Variants in CNTN4 observed in about 807,000 individuals in gnomAD.
The protein encoded by CNTN4 is contactin 4.
Under a neutral mutation model 122.5 loss-of-function variants are expected in CNTN4, and 77 were observed. The observed-to-expected ratio is 0.63, with a 90% CI of 0.52 to 0.76. CNTN4 has a LOEUF of 0.76. Ranked by LOEUF, CNTN4 falls within the 30% of genes least tolerant of loss-of-function variation. The pLI is 0.00. For missense variants in CNTN4, 1,256 were observed against 1,259.1 expected (o/e 1.00, Z 0.04); for synonymous variants, 512 against 447.0 (o/e 1.15, Z -1.83).
chr3:2,518,579 C>G (rs1418602638), intron 3 of CNTN4, among the ~76,000 whole-genome samples: 7 of 152,022 alleles, frequency 4.6e-5, no homozygotes, highest in Non-Finnish European at 1.0e-4. Context: ...ATAAATACCT[C>G]TGGTAGAATG....
chr3:2,688,949 C>T (rs1172647462), intron 4 of CNTN4, among the ~76,000 whole-genome samples: 3 of 152,130 alleles, frequency 2.0e-5, no homozygotes, highest in South Asian at 4.1e-4. Flanking sequence ...TACGTCCTTA[C>T]AGAGGTCTAA....
Position 2,794,225 on chromosome 3 carries a change from T to A in CNTN4, c.359-25261T>A, listed in dbSNP as rs533297877. Among the ~76,000 whole-genome samples the A allele has an allele frequency of 2.6e-5, 4 of 152,300 alleles. No homozygotes were observed. The East Asian group carries it at 7.7e-4, about 29-fold the overall frequency. ...AATGTTTCTACATCTGCAAAAAATG[T>A]CTGGTGCCCGATCCATCAGTAGAAA... is the stretch of plus-strand genomic sequence containing the variant. On this transcript the variant is annotated intron_variant, in intron 6 of 24. Coordinates refer to ENST00000418658, the MANE Select transcript of CNTN4 (RefSeq NM_175607.3).
At chr3:2,466,048 A>G (rs978208270) in intron 3 of CNTN4, among the ~76,000 whole-genome samples, 5 of 152,190 alleles carry the variant, frequency 3.3e-5, no homozygotes, top group East Asian at 1.9e-4. Flanking sequence ...AGGGAATTCA[A>G]TCTATTACAT....
chr3:2,104,382 C>T (rs2125097574), intron 2 of CNTN4, among the ~76,000 whole-genome samples: 1 of 152,180 alleles, frequency 6.6e-6, no homozygotes, highest in South Asian at 2.1e-4. Context: ...CAGATAAGCT[C>T]TTAATTTTCA....
chr3:2,777,372 C>A (rs1026672496), intron 6 of CNTN4, among the ~76,000 whole-genome samples: 1 of 152,206 alleles, frequency 6.6e-6, no homozygotes, highest in African/African-American at 2.4e-5. Flanking sequence ...ATCTACGGCT[C>A]TCCAACTAAT....
At chr3:2,529,201 A>AAT (rs1383478551) in intron 3 of CNTN4, among the ~76,000 whole-genome samples, 2 of 152,130 alleles carry the variant, frequency 1.3e-5, no homozygotes, top group African/African-American at 2.4e-5. Flanking sequence ...GAGAAGATGA[A>AAT]ATATTTATCA....
intron 4 of CNTN4, among the ~76,000 whole-genome samples, chr3:2,586,271 TTTG>T (rs756797184): frequency 1.3e-5 from 2 of 152,096 alleles, no homozygotes; most frequent in Non-Finnish European, 2.9e-5. Context: ...GTTGTTGTTG[TTTG>T]TTGTTGTTGT....
At chr3:2,660,289 G>T (rs902405399) in intron 4 of CNTN4, among the ~76,000 whole-genome samples, 1 of 152,268 alleles carries the variant, frequency 6.6e-6, no homozygotes, top group Admixed American at 6.5e-5. Context: ...GAGTCTGCAA[G>T]GACTTATTTA....
At chr3:2,486,433 G>T (rs943731160) in intron 3 of CNTN4, among the ~76,000 whole-genome samples, 3 of 152,150 alleles carry the variant, frequency 2.0e-5, no homozygotes, top group Non-Finnish European at 4.4e-5. Flanking sequence ...AGAACATTAT[G>T]ATCAAAATAG....
chr3:2,299,824 A>T (rs931492895), intron 2 of CNTN4, among the ~76,000 whole-genome samples: 1 of 152,190 alleles, frequency 6.6e-6, no homozygotes, highest in Non-Finnish European at 1.5e-5. Flanking sequence ...AATCTCCCAC[A>T]TACAGTATAA....
intron 13 of CNTN4, among the ~76,000 whole-genome samples, chr3:2,930,245 C>T (rs1035829886): frequency 6.6e-5 from 10 of 152,118 alleles, no homozygotes; most frequent in Admixed American, 3.3e-4. Flanking sequence ...CATTTCCAAG[C>T]GGTTTTAATA....
chr3:2,917,252 C>T (rs62232792), intron 12 of CNTN4, among the ~76,000 whole-genome samples: 15,426 of 151,524 alleles, frequency 0.1, 848 homozygotes, highest in Middle Eastern at 0.14. Context: ...ATGGCAGCAG[C>T]ACAGTCCAGC....
At chr3:2,342,201 C>A (rs2044235378) in intron 3 of CNTN4, among the ~76,000 whole-genome samples, 1 of 152,078 alleles carries the variant, frequency 6.6e-6, no homozygotes, top group African/African-American at 2.4e-5. Context: ...TTTTTTTACA[C>A]ATCTGTAAAA....
At chr3:2,462,587 A>G (rs998928172) in intron 3 of CNTN4, among the ~76,000 whole-genome samples, 1 of 152,200 alleles carries the variant, frequency 6.6e-6, no homozygotes, top group Non-Finnish European at 1.5e-5. Flanking sequence ...CAGATTTTGT[A>G]TGCCTTTTAT....
chr3:2,920,423 A>G (rs1190938245), intron 12 of CNTN4, among the ~76,000 whole-genome samples: 1 of 151,526 alleles, frequency 6.6e-6, no homozygotes, highest in African/African-American at 2.4e-5. Flanking sequence ...TGTGATACAT[A>G]CACATTATAC....
chr3:2,283,024 G>T (rs1385306776), intron 2 of CNTN4, among the ~76,000 whole-genome samples: 1 of 152,084 alleles, frequency 6.6e-6, no homozygotes, highest in Non-Finnish European at 1.5e-5. Flanking sequence ...TTGCTTAATG[G>T]GTATGGAGTT....
intron 7 of CNTN4, among the ~76,000 whole-genome samples, chr3:2,821,321 G>A (rs956558717): frequency 2.0e-5 from 3 of 152,112 alleles, no homozygotes; most frequent in African/African-American, 7.2e-5. Context: ...ATGTCTTCCA[G>A]GACTCATGCC....
intron 3 of CNTN4, among the ~76,000 whole-genome samples, chr3:2,413,550 C>CT (rs573989340): frequency 0.019 from 2,817 of 146,298 alleles, 69 homozygotes; most frequent in African/African-American, 0.057. Context: ...ACCATGATTT[C>CT]TTTTTTTTTT....
intron 2 of CNTN4, among the ~76,000 whole-genome samples, chr3:2,101,425 A>G (rs754255241): frequency 2.6e-5 from 4 of 152,250 alleles, no homozygotes; most frequent in Non-Finnish European, 4.4e-5. Context: ...GAGGACAGAC[A>G]TAATATGCAT....
Sources: gnomAD v4.1 joint callset for allele counts (sites outside exome capture counted in the v4.1 genomes callset) on GRCh38, gnomAD v4.1.1 for gene constraint, MANE v1.5 for transcripts, NCBI Gene and HGNC (gene_info 2026-07-23, HGNC 2026-07-21) for gene names.